Variants in LINGO2 observed in about 807,000 individuals in gnomAD.
LINGO2 encodes leucine-rich repeat and immunoglobulin-like domain-containing nogo receptor-interacting protein 2.
Under a neutral mutation model 30.6 loss-of-function variants are expected in LINGO2, and 14 were observed. The observed-to-expected ratio is 0.46, with a 90% CI of 0.30 to 0.72. The LOEUF is 0.72. Ranked by LOEUF, LINGO2 falls within the 30% of genes least tolerant of loss-of-function variation. The pLI, the probability that LINGO2 is intolerant of heterozygous loss-of-function variation, is 0.07. For synonymous variants in LINGO2, 317 were observed against 288.5 expected, an observed-to-expected ratio of 1.10 and a Z score of -1.00; for missense variants, 729 against 751.7, an observed-to-expected ratio of 0.97 and a Z score of 0.35.
At chr9:28,994,022 A>G in the LINGO2 span, among the ~76,000 whole-genome samples, 1 of 151,528 alleles carries the variant, frequency 6.6e-6, no homozygotes, top group African/African-American at 2.4e-5. Context: ...GGCCAGGGCA[A>G]TTAGGCAGGA....
At chr9:29,049,891 T>C in the LINGO2 span, among the ~76,000 whole-genome samples, 2 of 152,250 alleles carry the variant, frequency 1.3e-5, no homozygotes, top group South Asian at 2.1e-4. Flanking sequence ...AATAGCACAT[T>C]AGGTTGGCTA....
chr9:28,729,313 C>T, the LINGO2 span, among the ~76,000 whole-genome samples: 2 of 152,064 alleles, frequency 1.3e-5, no homozygotes, highest in African/African-American at 4.8e-5. Flanking sequence ...TATACATGTA[C>T]TCAGAACCTA....
rs189270926 is a variant in LINGO2 at position 28,320,062 on chromosome 9, C to T, written c.-245-24696G>A. Among the ~76,000 whole-genome samples the T allele has an allele frequency of 6.9e-4, 105 of 152,148 alleles. 1 individual carries two copies. The highest frequency in any genetic ancestry group is 2.1e-3 in the South Asian group (10 of 4,826). ...TTGCTCCTATGGAATTCCAGCTATA[C>T]GAATATTTTAGTGTGCAAAATATAC... On this transcript the variant is annotated intron_variant, in intron 3 of 5. Transcript: ENST00000379992.
intron 4 of LINGO2, among the ~76,000 whole-genome samples, chr9:28,283,629 A>G (rs1157787622): frequency 6.6e-6 from 1 of 152,090 alleles, no homozygotes; most frequent in Non-Finnish European, 1.5e-5. Context: ...TTGGGAGAAA[A>G]ACTCACACAT....
chr9:28,413,226 C>A (rs938950843), intron 2 of LINGO2, among the ~76,000 whole-genome samples: 2 of 151,902 alleles, frequency 1.3e-5, no homozygotes, highest in African/African-American at 4.8e-5. Flanking sequence ...GAATAAATAA[C>A]CCTAACCCCC....
chr9:28,444,212 T>C (rs1824317388), intron 2 of LINGO2, among the ~76,000 whole-genome samples: 2 of 152,146 alleles, frequency 1.3e-5, no homozygotes, highest in African/African-American at 4.8e-5. Flanking sequence ...AGCTGTAACA[T>C]GTTCCTGGCC....
At chr9:28,569,226 T>C (rs541063857) in intron 1 of LINGO2, among the ~76,000 whole-genome samples, 11 of 152,072 alleles carry the variant, frequency 7.2e-5, no homozygotes, top group African/African-American at 2.6e-4. Context: ...GAAAACAGTA[T>C]GGAGGTTCCT....
At chr9:27,960,013 T>A (rs1819758486) in intron 5 of LINGO2, among the ~76,000 whole-genome samples, 1 of 152,178 alleles carries the variant, frequency 6.6e-6, no homozygotes, top group Admixed American at 6.6e-5. Context: ...AATCCATATT[T>A]GTATCTAGTA....
the LINGO2 span, among the ~76,000 whole-genome samples, chr9:29,189,310 G>T: frequency 4.0e-5 from 6 of 151,738 alleles, no homozygotes; most frequent in African/African-American, 1.4e-4. Flanking sequence ...TGGCTGCCGG[G>T]CGGAGACGCT....
chr9:28,432,540 C>G (rs941443649), intron 2 of LINGO2, among the ~76,000 whole-genome samples: 2 of 151,962 alleles, frequency 1.3e-5, no homozygotes, highest in East Asian at 3.9e-4. Flanking sequence ...TTTCCACTTC[C>G]TATTAACTGT....
At chr9:28,403,884 A>T (rs1822381571) in intron 2 of LINGO2, among the ~76,000 whole-genome samples, 1 of 152,116 alleles carries the variant, frequency 6.6e-6, no homozygotes, top group Admixed American at 6.6e-5. Flanking sequence ...AAGATTTTTT[A>T]AATGGAATTA....
At chr9:29,014,672 C>T in the LINGO2 span, among the ~76,000 whole-genome samples, 1 of 152,120 alleles carries the variant, frequency 6.6e-6, no homozygotes, top group Non-Finnish European at 1.5e-5. Context: ...GTGTGATTTA[C>T]ACAACTACAC....
At chr9:29,012,127 G>A in the LINGO2 span, among the ~76,000 whole-genome samples, 314 of 152,222 alleles carry the variant, frequency 2.1e-3, 5 homozygotes, top group East Asian at 0.051. Context: ...GGAGGCTGAG[G>A]CAGGCAGATC....
chr9:28,360,751 C>T (rs1478934169), intron 3 of LINGO2, among the ~76,000 whole-genome samples: 2 of 152,068 alleles, frequency 1.3e-5, no homozygotes, highest in East Asian at 1.9e-4. Flanking sequence ...TTCCTGCTTC[C>T]CTTACACAGT....
the LINGO2 span, among the ~76,000 whole-genome samples, chr9:28,695,621 T>C: frequency 6.6e-6 from 1 of 151,770 alleles, no homozygotes; most frequent in South Asian, 2.1e-4. Context: ...CTTACATGCC[T>C]GTCAATAAGT....
intron 2 of LINGO2, among the ~76,000 whole-genome samples, chr9:28,456,696 G>A (rs143227203): frequency 2.6e-5 from 4 of 151,920 alleles, no homozygotes; most frequent in East Asian, 1.9e-4. Flanking sequence ...TTTCTGACAC[G>A]CATGACACAA....
intron 4 of LINGO2, among the ~76,000 whole-genome samples, chr9:28,152,425 A>G (rs1443343608): frequency 1.3e-5 from 2 of 152,104 alleles, no homozygotes; most frequent in Non-Finnish European, 1.5e-5. Flanking sequence ...CCAGCGCGCC[A>G]TGGTTCTTTC....
intron 2 of LINGO2, among the ~76,000 whole-genome samples, chr9:28,439,886 C>A (rs1824120276): frequency 6.6e-6 from 1 of 152,176 alleles, no homozygotes; most frequent in South Asian, 2.1e-4. Context: ...TTGCCATCAC[C>A]TTCCCTCCCA....
chr9:28,352,005 A>G (rs1369758084), intron 3 of LINGO2, among the ~76,000 whole-genome samples: 3 of 151,426 alleles, frequency 2.0e-5, no homozygotes, highest in African/African-American at 7.3e-5. Context: ...GTATTTCAAA[A>G]TAATAAGAGC....
Sources: allele counts gnomAD v4.1 joint callset (sites outside exome capture counted in the v4.1 genomes callset), GRCh38; gene constraint gnomAD v4.1.1; transcripts MANE v1.5; gene names NCBI Gene and HGNC (gene_info 2026-07-23, HGNC 2026-07-21).